CNNM2: variants seen among roughly 807,000 people sequenced by gnomAD.
CNNM2 encodes the protein cyclin and CBS domain divalent metal cation transport mediator 2, also known as metal transporter CNNM2.
In CNNM2, 12 loss-of-function variants were observed where a neutral mutation model predicts 66.9. The ratio of observed to expected loss-of-function variants is 0.18; its 90% CI spans 0.11 to 0.29. The LOEUF (loss-of-function observed/expected upper bound fraction) is 0.29. Among genes scored for constraint, CNNM2 ranks in the 10% least tolerant of loss-of-function variants. The pLI, the probability that CNNM2 is intolerant of heterozygous loss-of-function variation, is 1.00. For synonymous variants in CNNM2, 557 were observed against 501.8 expected, an observed-to-expected ratio of 1.11 and a Z score of -1.47; for missense variants, 705 against 1,167.7, an observed-to-expected ratio of 0.60 and a Z score of 5.77.
At chr10:102,968,554 A>C (rs572610920) in intron 1 of CNNM2, among the ~76,000 whole-genome samples, 5 of 150,576 alleles carry the variant, frequency 3.3e-5, no homozygotes, top group African/African-American at 1.2e-4. Context: ...TATTTTCCAC[A>C]TCTTTGTCAA....
chr10:103,076,888 G>A (rs896995272), intron 7 of CNNM2, 83 bp from the exon 8 acceptor site: 13 of 1,258,326 alleles, frequency 1.0e-5, no homozygotes, highest in African/African-American at 1.5e-5. Flanking sequence ...CTGTGGGCCT[G>A]TCGGGATTGA....
At position 103,087,501 on chromosome 10, in the gene CNNM2, C is replaced by T. The variant is rs559442136; in HGVS notation, c.*10321C>T. Reference sequence around the variant, plus strand: ...CCATGGAATCATCTGGCTAGTAAGACACTCTTATATGGATGCAATACAAAA... The same window carrying T: ...CCATGGAATCATCTGGCTAGTAAGATACTCTTATATGGATGCAATACAAAA... On this transcript the variant is annotated 3_prime_UTR_variant, in exon 8 of 8. Coordinates refer to ENST00000369878, the MANE Select transcript of CNNM2 (RefSeq NM_017649.5). 2.0e-5 allele frequency: 3 copies of T among 152,224 alleles called. No individual in the cohort carries two copies. The East Asian group carries it at 5.8e-4, about 29-fold the overall frequency. 9.4% of individuals were successfully genotyped at this position (152,224 alleles called of 1,614,324 possible). A position where few individuals can be genotyped will look rare whatever the true frequency, so the allele number is the denominator to read the frequency against.
In CNNM2 at chr10:103,085,916, C is replaced by CT. The variant is rs1355062271; in HGVS notation, c.*8741dup. 6.6e-6 allele frequency: 1 copy of CT among 151,814 alleles called. No individual in the cohort carries two copies. The highest frequency in any genetic ancestry group is 1.5e-5 in the Non-Finnish European group (1 of 67,858). The allele number at this position is 151,814 out of a possible 1,614,324, so 9.4% of individuals were successfully genotyped here. A position where few individuals can be genotyped will look rare whatever the true frequency, so the allele number is the denominator to read the frequency against. On this transcript the variant is annotated 3_prime_UTR_variant, in exon 8 of 8. Coordinates refer to ENST00000369878, the MANE Select transcript of CNNM2 (RefSeq NM_017649.5). Reference sequence around the variant, plus strand: ...AAATCCAGGTTAAAGAATAGAAAAGCTTTTTACTCATTCTATAAATGAACA... The same window carrying CT: ...AAATCCAGGTTAAAGAATAGAAAAGCTTTTTTACTCATTCTATAAATGAACA...
At chr10:103,003,958 ATTGCTGAGTAGTACTCCATTGCATGAAT>A (rs2064173836) in intron 1 of CNNM2, among the ~76,000 whole-genome samples, 2 of 131,788 alleles carry the variant, frequency 1.5e-5, no homozygotes, top group Non-Finnish European at 3.2e-5. Flanking sequence ...GTGCATTCTC[ATTGCTGAGTAGTACTCCATTGCATGAAT>A]TTTTTTTTTT....
chr10:102,970,953 G>C (rs1042442353), intron 1 of CNNM2, among the ~76,000 whole-genome samples: 1 of 151,926 alleles, frequency 6.6e-6, no homozygotes, highest in African/African-American at 2.4e-5. Context: ...CACTTTGGGA[G>C]GCCAAGGTAG....
chr10:103,023,938 G>A (rs2064645652), intron 1 of CNNM2, among the ~76,000 whole-genome samples: 1 of 152,096 alleles, frequency 6.6e-6, no homozygotes, highest in African/African-American at 2.4e-5. Flanking sequence ...TTCAAAGAAA[G>A]TTACAGATAT....
chr10:102,936,344 T>C (rs562985799), intron 1 of CNNM2, among the ~76,000 whole-genome samples: 12 of 152,294 alleles, frequency 7.9e-5, no homozygotes, highest in African/African-American at 2.2e-4. Context: ...TAGTCACTAG[T>C]GTACCTCCTT....
intron 6 of CNNM2, among the ~76,000 whole-genome samples, chr10:103,073,247 T>A (rs1037374494): frequency 1.1e-4 from 16 of 152,224 alleles, no homozygotes; most frequent in Admixed American, 2.6e-4. Flanking sequence ...TGAGTCTAGA[T>A]GCTTTGGAAG....
At chr10:102,990,208 C>T (rs1312259651) in intron 1 of CNNM2, among the ~76,000 whole-genome samples, 3 of 152,064 alleles carry the variant, frequency 2.0e-5, no homozygotes, top group African/African-American at 4.8e-5. Context: ...TCAGGTGATC[C>T]GCCTGCCTTG....
At chr10:102,945,217 C>T (rs978288235) in intron 1 of CNNM2, among the ~76,000 whole-genome samples, 3 of 151,972 alleles carry the variant, frequency 2.0e-5, no homozygotes, top group Non-Finnish European at 1.5e-5. Flanking sequence ...TCGAAATAGG[C>T]GTTTAAATAA....
At chr10:103,071,753 C>T in intron 5 of CNNM2, 21 bp from the exon 6 acceptor site, 1 of 1,608,454 alleles carries the variant, frequency 6.2e-7, no homozygotes, top group Non-Finnish European at 8.5e-7. Context: ...CGATCTCACC[C>T]TGTTTTTCTC....
At chr10:102,925,439 T>G (rs1845827417) in intron 1 of CNNM2, among the ~76,000 whole-genome samples, 1 of 152,008 alleles carries the variant, frequency 6.6e-6, no homozygotes, top group Non-Finnish European at 1.5e-5. Context: ...GGGGTACTTC[T>G]TATGGTTAGG....
At chr10:102,971,268 A>G (rs921611198) in intron 1 of CNNM2, among the ~76,000 whole-genome samples, 4 of 151,798 alleles carry the variant, frequency 2.6e-5, no homozygotes, top group African/African-American at 9.7e-5. Context: ...AAAAGAAAAA[A>G]AAAAAAGTCT....
chr10:103,026,068 C>T (rs962768874), intron 1 of CNNM2, among the ~76,000 whole-genome samples: 18 of 152,160 alleles, frequency 1.2e-4, no homozygotes, highest in Non-Finnish European at 2.9e-5. Context: ...CTCTCTTGCC[C>T]TTCTGCCATG....
intron 1 of CNNM2, among the ~76,000 whole-genome samples, chr10:102,971,832 T>A (rs1490989604): frequency 5.3e-5 from 8 of 152,210 alleles, no homozygotes; most frequent in Non-Finnish European, 8.8e-5. Flanking sequence ...ATTTTTCTTT[T>A]TTTGGCCTAT....
intron 1 of CNNM2, among the ~76,000 whole-genome samples, chr10:102,980,988 C>G (rs565273546): frequency 6.6e-5 from 10 of 152,264 alleles, no homozygotes; most frequent in African/African-American, 2.4e-4. Context: ...AAGCACATCT[C>G]CTAGAACTGC....
chr10:103,043,233 G>A (rs997477020), intron 1 of CNNM2, among the ~76,000 whole-genome samples: 1 of 152,164 alleles, frequency 6.6e-6, no homozygotes, highest in Admixed American at 6.6e-5. Context: ...CACAGGCTCA[G>A]TTTGCCTTGT....
intron 1 of CNNM2, among the ~76,000 whole-genome samples, chr10:103,044,506 C>T (rs1162501392): frequency 1.3e-5 from 2 of 150,246 alleles, no homozygotes; most frequent in African/African-American, 2.5e-5. Flanking sequence ...CAGTGAGCTA[C>T]GATCATGCCA....
chr10:103,031,996 G>A lies in CNNM2; in HGVS notation c.1622-17711G>A, dbSNP rs571204594. Among the ~76,000 whole-genome samples the A allele has an allele frequency of 5.9e-5, 9 of 152,344 alleles. No individual in the cohort carries two copies. In the East Asian group the frequency reaches 1.2e-3, roughly 20 times the overall value. ...GCCTGCACTGATGCACGAGCATGAA[G>A]CCACTGCAAGCCTGCGTGAACTAGT... On this transcript the variant is annotated intron_variant, in intron 1 of 7. Transcript: ENST00000369878.
Sources: allele counts gnomAD v4.1 joint callset (sites outside exome capture counted in the v4.1 genomes callset), GRCh38; gene constraint gnomAD v4.1.1; transcripts MANE v1.5; gene names NCBI Gene and HGNC (gene_info 2026-07-23, HGNC 2026-07-21).